WDR27: variants seen among roughly 807,000 people sequenced by gnomAD.
WDR27 encodes WD repeat-containing protein 27.
Under a neutral mutation model 114.4 loss-of-function variants are expected in WDR27, and 100 were observed. The observed-to-expected ratio is 0.87, with a 90% CI of 0.74 to 1.03. The LOEUF is 1.03. Ranked by LOEUF, WDR27 falls within the 50% of genes least tolerant of loss-of-function variation. The pLI, the probability that WDR27 is intolerant of heterozygous loss-of-function variation, is 0.00. For missense variants in WDR27, 1,129 were observed against 1,092.9 expected (o/e 1.03, Z -0.47); for synonymous variants, 449 against 423.1 (o/e 1.06, Z -0.75).
In WDR27 at chr6:169,636,520, G is replaced by A; in HGVS notation, c.1870-16C>T. 1 of 1,585,208 alleles carries A rather than the reference G, an allele frequency of 6.3e-7. No individual in the cohort carries two copies. On this transcript the variant is annotated splice_polypyrimidine_tract_variant and intron_variant, in intron 18 of 25. Transcript: ENST00000448612. ...TGTCTTTGCCCTGTAATGCAAATCA[G>A]TAATTACTGTCAATATAATAAATGT... is the stretch of plus-strand genomic sequence containing the variant.
At chr6:169,475,852 T>A (rs1348972869) in intron 25 of WDR27, among the ~76,000 whole-genome samples, 1 of 152,246 alleles carries the variant, frequency 6.6e-6, no homozygotes, top group Non-Finnish European at 1.5e-5. Context: ...AGGGAAAATA[T>A]AAAGTTGACT....
chr6:169,654,780 C>T (rs576458896), intron 13 of WDR27, among the ~76,000 whole-genome samples: 1 of 150,510 alleles, frequency 6.6e-6, no homozygotes, highest in Non-Finnish European at 1.5e-5. Flanking sequence ...CAGAAGGAGG[C>T]GCGTTCAGGA....
chr6:169,442,906 C>T, the WDR27 span, among the ~76,000 whole-genome samples: 4 of 152,222 alleles, frequency 2.6e-5, no homozygotes, highest in Admixed American at 2.6e-4. Context: ...TTAAGCATGC[C>T]ACAGTTATTT....
chr6:169,494,161 C>T (rs114772031), intron 25 of WDR27, among the ~76,000 whole-genome samples: 136 of 152,226 alleles, frequency 8.9e-4, no homozygotes, highest in African/African-American at 3.0e-3. Flanking sequence ...ATTGTGGATA[C>T]GGCTATGAGG....
At chr6:169,650,171 T>C (rs2128241205) in intron 14 of WDR27, among the ~76,000 whole-genome samples, 2 of 112,210 alleles carry the variant, frequency 1.8e-5, no homozygotes, top group South Asian at 3.4e-4. Context: ...CATCCATCCC[T>C]CTACTTATCC....
At chr6:169,629,980 G>C (rs934879842) in intron 21 of WDR27, among the ~76,000 whole-genome samples, 1 of 148,302 alleles carries the variant, frequency 6.7e-6, no homozygotes, top group African/African-American at 2.5e-5. Flanking sequence ...GAAACTTCAC[G>C]TATAAGATTC....
rs572289638 is a variant in WDR27 at position 169,684,762 on chromosome 6, C to T, written c.189+4055G>A. ...CTATGGGCCACCCCTAATGGGCATG[C>T]CCGCAGCCAGCTGAGCAGCCTTGTG... On this transcript the variant is annotated intron_variant, in intron 2 of 25. Transcript: ENST00000448612. This position sits in a 1 kb window ranked among gnomAD's most constrained non-coding sequence, Gnocchi z 4.3. Among the ~76,000 whole-genome samples, 57 of 152,334 alleles carry T rather than the reference C, an allele frequency of 3.7e-4. No individual in the cohort carries two copies. The highest frequency in any genetic ancestry group is 6.8e-4 in the Non-Finnish European group (46 of 68,038).
intron 19 of WDR27, among the ~76,000 whole-genome samples, chr6:169,635,232 T>C (rs1029169562): frequency 5.4e-5 from 7 of 129,182 alleles, no homozygotes; most frequent in African/African-American, 2.0e-4. Flanking sequence ...CAGGTGTGGT[T>C]GGGGGGCAGG....
chr6:169,618,627 CAAAAA>C (rs560399990), intron 21 of WDR27, among the ~76,000 whole-genome samples: 6 of 92,134 alleles, frequency 6.5e-5, no homozygotes, highest in Non-Finnish European at 8.1e-5. Flanking sequence ...TGGATGACTG[CAAAAA>C]AAAAAAAAAA....
At chr6:169,553,714 A>C (rs1798503843) in intron 25 of WDR27, among the ~76,000 whole-genome samples, 1 of 152,246 alleles carries the variant, frequency 6.6e-6, no homozygotes. Context: ...CTAGAAGAGC[A>C]TAACATGCTT....
intron 1 of WDR27, among the ~76,000 whole-genome samples, chr6:169,699,924 G>A (rs1052223388): frequency 6.6e-6 from 1 of 152,142 alleles, no homozygotes. Context: ...TGAAGCTATA[G>A]TGAGCTGTGA....
chr6:169,664,142 TGAGG>T lies in WDR27; in HGVS notation c.904+20_904+23del. 1 of 1,554,806 alleles carries T rather than the reference TGAGG, an allele frequency of 6.4e-7. No homozygotes were observed. Among genetic ancestry groups the T allele is most frequent in the Admixed American group, 1.9e-5 (1 of 53,092 alleles). On this transcript the variant is annotated intron_variant, in intron 8 of 25. Coordinates refer to ENST00000448612, the MANE Select transcript of WDR27 (RefSeq NM_182552.5). ...AAAGATCTGGGCCAAGTGGGAGGCC[TGAGG>T]GAGGGTCTGAGCAACCCACCTGGCT...
At chr6:169,596,919 C>T (rs370709617) in intron 23 of WDR27, among the ~76,000 whole-genome samples, 1 of 152,060 alleles carries the variant, frequency 6.6e-6, no homozygotes, top group Non-Finnish European at 1.5e-5. Flanking sequence ...ATTGAAGATA[C>T]TTCTTTTTCT....
chr6:169,509,617 AC>A lies in WDR27; in HGVS notation c.2646-51984del, dbSNP rs1562511696. 1.1e-4 allele frequency among the ~76,000 whole-genome samples: 16 copies of A among 151,920 alleles called. No individual in the cohort carries two copies. In the South Asian group the frequency reaches 3.3e-3, roughly 32 times the overall value. On this transcript the variant is annotated intron_variant, in intron 25 of 25. Coordinates refer to ENST00000448612, the MANE Select transcript of WDR27 (RefSeq NM_182552.5). Reference sequence around the variant, plus strand: ...ACTGGATCCCTTCCTTACACCTTATACAAAAATTAATTCAAGATGGATTAAA... The same window carrying A: ...ACTGGATCCCTTCCTTACACCTTATAAAAAATTAATTCAAGATGGATTAAA...
chr6:169,426,636 A>G, the WDR27 span: 3 of 152,206 alleles, frequency 2.0e-5, no homozygotes, highest in African/African-American at 7.2e-5. Flanking sequence ...ACAGTCCACC[A>G]GCCTGTGCTT....
chr6:169,459,016 C>T (rs1784609519), intron 25 of WDR27, among the ~76,000 whole-genome samples: 1 of 152,026 alleles, frequency 6.6e-6, no homozygotes, highest in African/African-American at 2.4e-5. Flanking sequence ...TATCACAATA[C>T]TAGATTCAAC....
At chr6:169,434,355 C>T in the WDR27 span, among the ~76,000 whole-genome samples, 5 of 152,002 alleles carry the variant, frequency 3.3e-5, no homozygotes, top group Admixed American at 6.6e-5. Context: ...CTTTCCCCAT[C>T]GCTTTTGTCA....
chr6:169,554,853 T>C (rs1798651962), intron 25 of WDR27, among the ~76,000 whole-genome samples: 2 of 152,246 alleles, frequency 1.3e-5, no homozygotes, highest in Admixed American at 1.3e-4. Flanking sequence ...TAAAAGTAAA[T>C]TGACTACATA....
intron 2 of WDR27, among the ~76,000 whole-genome samples, chr6:169,677,975 G>T (rs1424721982): frequency 6.6e-6 from 1 of 152,258 alleles, no homozygotes; most frequent in Non-Finnish European, 1.5e-5. Flanking sequence ...AGAATGCCTG[G>T]GTGCCAAGGC....
Sources: gnomAD v4.1 joint callset for allele counts (sites outside exome capture counted in the v4.1 genomes callset) on GRCh38, gnomAD v4.1.1 for gene constraint, Gnocchi (gnomAD v3.1) non-coding constraint, MANE v1.5 for transcripts, NCBI Gene and HGNC (gene_info 2026-07-23, HGNC 2026-07-21) for gene names.